Variants in NCOA1 observed in about 807,000 individuals in gnomAD.
NCOA1 encodes nuclear receptor coactivator 1.
NCOA1 carries 35 observed loss-of-function variants against 150.9 expected under a neutral mutation model. The observed-to-expected ratio is 0.23, with a 90% CI of 0.18 to 0.31. The LOEUF (loss-of-function observed/expected upper bound fraction) is 0.31, where lower values mean the gene tolerates loss of function less well. Ranked by LOEUF, NCOA1 falls within the 10% of genes least tolerant of loss-of-function variation. NCOA1 has a pLI of 1.00. For synonymous variants in NCOA1, 590 were observed against 630.0 expected (o/e 0.94, Z 0.95); for missense variants, 1,491 against 1,749.3 (o/e 0.85, Z 2.63).
chr2:24,704,007 A>G (rs763609618), intron 11 of NCOA1, among the ~76,000 whole-genome samples: 2 of 152,186 alleles, frequency 1.3e-5, no homozygotes, highest in Non-Finnish European at 2.9e-5. Context: ...TACGTATTTA[A>G]TAAATACTTA....
chr2:24,540,586 G>A (rs1281905342), intron 1 of NCOA1, among the ~76,000 whole-genome samples: 1 of 151,832 alleles, frequency 6.6e-6, no homozygotes, highest in East Asian at 1.9e-4. Flanking sequence ...AGCCTCCCCA[G>A]TAGCTGGGAT....
In NCOA1 at chr2:24,629,844, A is replaced by ATATATG. The variant is rs1553439211; in HGVS notation, c.-174-14119_-174-14118insATGTAT. ...TATATATATATATATATATATATAT[A>ATATATG]TATGTATTTTTTTTTTTGAGATGGA... On this transcript the variant is annotated intron_variant, in intron 3 of 22. Transcript: ENST00000348332. Among the ~76,000 whole-genome samples the ATATATG allele has an allele frequency of 4.0e-4, 55 of 136,064 alleles. 1 individual carries two copies. The highest frequency in any genetic ancestry group is 2.2e-4 in the South Asian group (1 of 4,540). The allele number at this position is 136,064 out of a possible 152,430, so 89.3% of individuals were successfully genotyped here.
chr2:24,575,628 C>A (rs1666923425), intron 2 of NCOA1, among the ~76,000 whole-genome samples: 1 of 147,932 alleles, frequency 6.8e-6, no homozygotes, highest in Non-Finnish European at 1.5e-5. Context: ...GGCTGGCATG[C>A]AGTGGTGCAA....
chr2:24,555,815 G>T (rs139182572), intron 1 of NCOA1, among the ~76,000 whole-genome samples: 18 of 151,912 alleles, frequency 1.2e-4, no homozygotes, highest in East Asian at 1.9e-4. Context: ...TTTTCTCTTC[G>T]TATTTAAAGT....
At chr2:24,661,596 T>G (rs1671186703) in intron 5 of NCOA1, among the ~76,000 whole-genome samples, 1 of 152,204 alleles carries the variant, frequency 6.6e-6, no homozygotes, top group South Asian at 2.1e-4. Context: ...TTCTAATACA[T>G]GTTTAGGGTT....
At chr2:24,583,767 T>C (rs1396797495) in intron 2 of NCOA1, among the ~76,000 whole-genome samples, 1 of 152,160 alleles carries the variant, frequency 6.6e-6, no homozygotes, top group African/African-American at 2.4e-5. Flanking sequence ...TGGAGGACTG[T>C]ATATTAAGTT....
intron 2 of NCOA1, among the ~76,000 whole-genome samples, chr2:24,576,993 G>A (rs963806700): frequency 2.0e-5 from 3 of 151,952 alleles, no homozygotes; most frequent in African/African-American, 7.3e-5. Context: ...CTTTTTCTCA[G>A]CTATTTCTGT....
At chr2:24,499,409 T>G (rs1047377040) in intron 1 of NCOA1, among the ~76,000 whole-genome samples, 4 of 152,204 alleles carry the variant, frequency 2.6e-5, no homozygotes, top group Non-Finnish European at 5.9e-5. Flanking sequence ...TATTCCAACA[T>G]TCCTCCAGCA....
At chr2:24,603,437 T>A (rs1668218721) in intron 3 of NCOA1, among the ~76,000 whole-genome samples, 1 of 152,238 alleles carries the variant, frequency 6.6e-6, no homozygotes, top group Admixed American at 6.5e-5. Context: ...TGCTATTTGA[T>A]AACATTTTTT....
At chr2:24,673,570 G>A (rs1338781655) in intron 7 of NCOA1, 107 bp downstream of exon 7, 8 of 611,810 alleles carry the variant, frequency 1.3e-5, no homozygotes, top group Non-Finnish European at 2.2e-5. Context: ...ATAAAACAAA[G>A]TAAAGAACTT....
chr2:24,702,291 G>A (rs778739302), intron 11 of NCOA1, among the ~76,000 whole-genome samples: 2 of 152,032 alleles, frequency 1.3e-5, no homozygotes, highest in Non-Finnish European at 2.9e-5. Context: ...GAACATCTAG[G>A]GGTAATTATT....
intron 2 of NCOA1, among the ~76,000 whole-genome samples, chr2:24,582,136 G>C (rs1398009829): frequency 3.9e-5 from 6 of 152,058 alleles, no homozygotes; most frequent in Non-Finnish European, 7.4e-5. Context: ...GAAATAGAAG[G>C]CATCTACATT....
chr2:24,761,474 A>G (rs1232722154), intron 21 of NCOA1, among the ~76,000 whole-genome samples: 1 of 152,076 alleles, frequency 6.6e-6, no homozygotes, highest in Non-Finnish European at 1.5e-5. Flanking sequence ...TATCTTCCAT[A>G]TCTCCAACAT....
intron 12 of NCOA1, 84 bp from the exon 13 acceptor site, chr2:24,706,484 G>A (rs1673437503): frequency 2.1e-6 from 3 of 1,396,804 alleles, no homozygotes; most frequent in Non-Finnish European, 2.9e-6. Flanking sequence ...GAGATCAATG[G>A]TCTTGTTTTA....
At chr2:24,534,276 G>A (rs1665027286) in intron 1 of NCOA1, among the ~76,000 whole-genome samples, 1 of 152,106 alleles carries the variant, frequency 6.6e-6, no homozygotes, top group Non-Finnish European at 1.5e-5. Context: ...ATTTCTGTGG[G>A]ATCGGTGGTG....
chr2:24,631,472 C>G (rs1429065319), intron 3 of NCOA1, among the ~76,000 whole-genome samples: 4 of 152,174 alleles, frequency 2.6e-5, no homozygotes, highest in Admixed American at 2.6e-4. Flanking sequence ...CATCACACCT[C>G]ACAGTCAGTA....
intron 3 of NCOA1, among the ~76,000 whole-genome samples, chr2:24,637,994 C>T (rs920003937): frequency 8.7e-5 from 13 of 149,652 alleles, no homozygotes; most frequent in African/African-American, 3.2e-4. Flanking sequence ...CTGCACCTGG[C>T]CGAAACTATA....
chr2:24,519,303 T>C (rs145995710), intron 1 of NCOA1, among the ~76,000 whole-genome samples: 1 of 152,208 alleles, frequency 6.6e-6, no homozygotes, highest in East Asian at 1.9e-4. Flanking sequence ...AAAAAGCCAG[T>C]CACAAAAGAT....
At chr2:24,697,328 A>G (rs1291902585) in intron 10 of NCOA1, among the ~76,000 whole-genome samples, 1 of 152,316 alleles carries the variant, frequency 6.6e-6, no homozygotes, top group East Asian at 1.9e-4. Flanking sequence ...GGTCATCAGT[A>G]TACAGAGAGC....
Sources: gnomAD v4.1 joint callset for allele counts (sites outside exome capture counted in the v4.1 genomes callset) on GRCh38, gnomAD v4.1.1 for gene constraint, MANE v1.5 for transcripts, NCBI Gene and HGNC (gene_info 2026-07-23, HGNC 2026-07-21) for gene names.